MYBL1: variants seen among roughly 807,000 people sequenced by gnomAD.
MYBL1 encodes the protein MYB proto-oncogene like 1.
In MYBL1, 17 loss-of-function variants were observed where a neutral mutation model predicts 96.3. The observed-to-expected ratio is 0.18, with a 90% confidence interval of 0.12 to 0.26. The LOEUF is 0.26. MYBL1 is among the 10% of genes least tolerant of loss of function. The pLI is 1.00. For missense variants in MYBL1, 701 were observed against 882.9 expected, an observed-to-expected ratio of 0.79 and a Z score of 2.61; for synonymous variants, 282 against 292.7, an observed-to-expected ratio of 0.96 and a Z score of 0.37.
At chr8:66,603,347 C>A (rs1810183035) in intron 1 of MYBL1, among the ~76,000 whole-genome samples, 1 of 151,786 alleles carries the variant, frequency 6.6e-6, no homozygotes, top group African/African-American at 2.4e-5. Flanking sequence ...TAAACCGCAG[C>A]CAATTAAAAG....
intron 9 of MYBL1, among the ~76,000 whole-genome samples, chr8:66,577,666 T>C (rs1392512961): frequency 6.6e-6 from 1 of 152,084 alleles, no homozygotes; most frequent in African/African-American, 2.4e-5. Context: ...AGGTAATTTA[T>C]AGATTCAGTG....
chr8:66,592,485 A>C lies in MYBL1; in HGVS notation c.822T>G (p.Leu274=). 4 of 1,603,282 alleles carry C rather than the reference A, an allele frequency of 2.5e-6. No individual in the cohort carries two copies. Among genetic ancestry groups the C allele is most frequent in the Non-Finnish European group, 3.4e-6 (4 of 1,178,392 alleles). The change falls in exon 8 of 16, where the codon CTT becomes CTG. Residue 274 remains leucine (L), a synonymous_variant. Transcript: ENST00000522677. ...TAACTTCATTCTCAGCTGACATAAG[A>C]AGCATCTCAAGTTCCTTTATTTTCT... is the stretch of plus-strand genomic sequence containing the variant. The part of the protein sequence containing the change: ...KEKKIKELEM[L]LMSAENEVRR...
At chr8:66,612,491 C>T (rs1292783928) in intron 1 of MYBL1, 3 of 345,964 alleles carry the variant, frequency 8.7e-6, no homozygotes, top group Non-Finnish European at 1.6e-5. Context: ...GCGTAGCGGA[C>T]TCCCTAAAAG....
At chr8:66,566,537 G>C (rs1808510563) in intron 14 of MYBL1, 147 bp downstream of exon 14, 1 of 563,512 alleles carries the variant, frequency 1.8e-6, no homozygotes, top group Admixed American at 3.5e-5. Flanking sequence ...ACAGTGAATA[G>C]TTTCTCTGTG....
intron 1 of MYBL1, among the ~76,000 whole-genome samples, chr8:66,611,493 T>C (rs1235666722): frequency 1.3e-5 from 2 of 152,186 alleles, no homozygotes; most frequent in Non-Finnish European, 2.9e-5. Context: ...GGAGACATTT[T>C]TACTGTCATG....
chr8:66,565,901 C>T (rs1337798276), intron 15 of MYBL1, among the ~76,000 whole-genome samples, 163 bp downstream of exon 15: 2 of 152,042 alleles, frequency 1.3e-5, no homozygotes, highest in African/African-American at 2.4e-5. Context: ...ATGAATGAGT[C>T]GCTCAAACCC....
intron 1 of MYBL1, among the ~76,000 whole-genome samples, chr8:66,607,174 T>C (rs1292341283): frequency 6.6e-6 from 1 of 151,970 alleles, no homozygotes; most frequent in Non-Finnish European, 1.5e-5. Context: ...ATTAAATATC[T>C]GATACATGCA....
At position 66,599,044 on chromosome 8, in the gene MYBL1, C is replaced by T. The variant is rs978550186; in HGVS notation, c.291+6G>A. 5.1e-6 allele frequency: 8 copies of T among 1,561,074 alleles called. No homozygotes were observed. The highest frequency in any genetic ancestry group is 3.4e-4 in the Middle Eastern group (2 of 5,868). On this transcript the variant is annotated splice_donor_region_variant and intron_variant, in intron 4 of 15. Transcript: ENST00000522677. Reference sequence around the variant, plus strand: ...ATAGTGAATATAAAGAATATGAACACATTACCCTCTGATCTTCTTCTTTAG... The same window carrying T: ...ATAGTGAATATAAAGAATATGAACATATTACCCTCTGATCTTCTTCTTTAG...
chr8:66,605,650 T>G (rs146422411), intron 1 of MYBL1, among the ~76,000 whole-genome samples: 1 of 151,908 alleles, frequency 6.6e-6, no homozygotes, highest in African/African-American at 2.4e-5. Context: ...GTGAAACCCC[T>G]ACTAAAAATA....
In MYBL1 at chr8:66,601,703, G is replaced by T; in HGVS notation, c.193C>A (p.Leu65Ile). Residue 65 changes from leucine (L) to isoleucine (I), a missense_variant, in exon 3 of 16, where the codon CTT (leucine) becomes ATT (isoleucine). Transcript: ENST00000522677. ...TDDWTLIASHLQNRSDFQCQH... is the reference protein window; with the variant it reads ...TDDWTLIASHIQNRSDFQCQH... ...TAATTTAATATTTCACTTACTTGAAGATGACTAGCAATTAGAGTCCAATCA... is the reference window on the plus strand; with the variant it reads ...TAATTTAATATTTCACTTACTTGAATATGACTAGCAATTAGAGTCCAATCA... 6.7e-7 allele frequency: 1 copy of T among 1,491,484 alleles called. No individual in the cohort carries two copies. The highest frequency in any genetic ancestry group is 9.1e-7 in the Non-Finnish European group (1 of 1,099,086). The allele number at this position is 1,491,484 out of a possible 1,614,324, so 92.4% of individuals were successfully genotyped here.
chr8:66,599,140 A>G lies in MYBL1; in HGVS notation c.201T>C (p.Asn67=), dbSNP rs890009192. ...DWTLIASHLQ[N]RSDFQCQHRW... is the part of the protein sequence containing the mutation. ...GATGCTGGCACTGAAAATCAGAGCG[A>G]TTCTGAAAAAATTTAGAAGATTTTG... The change falls in exon 4 of 16, where the codon AAT becomes AAC. Residue 67 remains asparagine, a splice_region_variant and synonymous_variant. Transcript: ENST00000522677. 2.6e-6 allele frequency: 4 copies of G among 1,566,934 alleles called. No individual in the cohort carries two copies. The highest frequency in any genetic ancestry group is 1.2e-5 in the South Asian group (1 of 82,482).
chr8:66,607,417 C>G (rs922600274), intron 1 of MYBL1, among the ~76,000 whole-genome samples: 7 of 152,116 alleles, frequency 4.6e-5, no homozygotes, highest in African/African-American at 1.7e-4. Context: ...CTCATGAGTG[C>G]AGACCATGTC....
At position 66,599,183 on chromosome 8, in the gene MYBL1, T is replaced by C. The variant is rs781260556; in HGVS notation, c.199-41A>G. ...AGATTTTGTTATTAAACAACTGTCT[T>C]CCAGAAAGCAAGTCAGCCCGAATTT... On this transcript the variant is annotated intron_variant, in intron 3 of 15. Coordinates refer to ENST00000522677, the MANE Select transcript of MYBL1 (RefSeq NM_001080416.4). 6.9e-6 allele frequency: 10 copies of C among 1,448,338 alleles called. No individual in the cohort carries two copies. In the Admixed American group the frequency reaches 2.4e-4, roughly 35 times the overall value. The allele number at this position is 1,448,338 out of a possible 1,614,324, so 89.7% of individuals were successfully genotyped here.
At chr8:66,584,828 C>A (rs1809349253) in intron 8 of MYBL1, among the ~76,000 whole-genome samples, 1 of 151,606 alleles carries the variant, frequency 6.6e-6, no homozygotes, top group South Asian at 2.1e-4. Flanking sequence ...ATAAATTAAA[C>A]CAAGAAGGTA....
intron 13 of MYBL1, 43 bp downstream of exon 13, chr8:66,566,833 G>T: frequency 6.3e-7 from 1 of 1,577,754 alleles, no homozygotes; most frequent in Non-Finnish European, 8.7e-7. Context: ...AAAGTCTCTT[G>T]GATACAATAA....
chr8:66,586,488 T>A (rs958239362), intron 8 of MYBL1, among the ~76,000 whole-genome samples: 1 of 152,204 alleles, frequency 6.6e-6, no homozygotes, highest in Admixed American at 6.5e-5. Context: ...TGAGATATCA[T>A]CTCACCCTTG....
intron 1 of MYBL1, among the ~76,000 whole-genome samples, chr8:66,603,274 G>C (rs1250716107): frequency 6.6e-6 from 1 of 152,110 alleles, no homozygotes; most frequent in Non-Finnish European, 1.5e-5. Flanking sequence ...AAACCAATTA[G>C]TAATCTTCAC....
chr8:66,597,545 A>T lies in MYBL1; in HGVS notation c.297T>A (p.Ile99=), dbSNP rs1268746788. 2 of 1,593,894 alleles carry T rather than the reference A, an allele frequency of 1.3e-6. No individual in the cohort carries two copies. Among genetic ancestry groups the T allele is most frequent in the African/African-American group, 2.7e-5 (2 of 74,280 alleles). The change falls in exon 5 of 16, where the codon ATT becomes ATA. Residue 99 remains isoleucine (I), a synonymous_variant. Coordinates refer to ENST00000522677, the MANE Select transcript of MYBL1 (RefSeq NM_001080416.4). Reference sequence around the variant, plus strand: ...TTGGCCCATATTTCTGAACTAATTCAATAACCTAGGAAACAGAAAAACAAA... The same window carrying T: ...TTGGCCCATATTTCTGAACTAATTCTATAACCTAGGAAACAGAAAAACAAA... The part of the protein sequence containing the change: ...PWTKEEDQRV[I]ELVQKYGPKR...
intron 7 of MYBL1, 66 bp from the exon 8 acceptor site, chr8:66,592,610 AT>A: frequency 1.1e-6 from 1 of 927,022 alleles, no homozygotes; most frequent in East Asian, 2.6e-5. Flanking sequence ...TAGTATTCTC[AT>A]TTTTATTTTC....
Sources: gnomAD v4.1 joint callset for allele counts (sites outside exome capture counted in the v4.1 genomes callset) on GRCh38, gnomAD v4.1.1 for gene constraint, MANE v1.5 for transcripts, NCBI Gene and HGNC (gene_info 2026-07-23, HGNC 2026-07-21) for gene names.